Variants in POT1 observed in about 807,000 individuals in gnomAD.
POT1 encodes protection of telomeres 1, also known as protection of telomeres protein 1.
Under a neutral mutation model 78.5 loss-of-function variants are expected in POT1, and 47 were observed. That is an observed-to-expected ratio of 0.60 (90% confidence interval 0.47 to 0.76). POT1 has a LOEUF of 0.76. Among genes scored for constraint, POT1 ranks in the 30% least tolerant of loss-of-function variants. The pLI, the probability that POT1 is intolerant of heterozygous loss-of-function variation, is 0.00. For missense variants in POT1, 646 were observed against 749.9 expected, an observed-to-expected ratio of 0.86 and a Z score of 1.62; for synonymous variants, 259 against 260.7, an observed-to-expected ratio of 0.99 and a Z score of 0.06.
In POT1 at chr7:124,824,090, CA is replaced by C. The variant is rs770069410; in HGVS notation, c.1793-17del. ...GGATATGCATCTACAAAAACAAAAA[CA>C]AAAAAAGCGATTTAACCATTAAAAC... On this transcript the variant is annotated splice_polypyrimidine_tract_variant and intron_variant, in intron 18 of 18. Transcript: ENST00000357628. 6.7e-7 allele frequency: 1 copy of C among 1,497,016 alleles called. No individual in the cohort carries two copies. Among genetic ancestry groups the C allele is most frequent in the South Asian group, 1.2e-5 (1 of 83,616 alleles). The allele number at this position is 1,497,016 out of a possible 1,614,324, so 92.7% of individuals were successfully genotyped here.
chr7:124,857,461 C>T (rs956755062), intron 9 of POT1, among the ~76,000 whole-genome samples: 1 of 152,180 alleles, frequency 6.6e-6, no homozygotes, highest in African/African-American at 2.4e-5. Context: ...TCAAATGTTG[C>T]CTTTTCTAAA....
chr7:124,839,769 C>A (rs1441111320), intron 14 of POT1, among the ~76,000 whole-genome samples: 1 of 152,032 alleles, frequency 6.6e-6, no homozygotes, highest in Non-Finnish European at 1.5e-5. Context: ...GTCCCCTAGC[C>A]TCTTCCCCAT....
intron 8 of POT1, among the ~76,000 whole-genome samples, chr7:124,862,372 G>T (rs763727974): frequency 6.6e-6 from 1 of 152,196 alleles, no homozygotes; most frequent in Non-Finnish European, 1.5e-5. Flanking sequence ...CATTTGTTAA[G>T]AATGTCACTT....
At chr7:124,898,735 G>A (rs1298654851) in intron 3 of POT1, among the ~76,000 whole-genome samples, 3 of 152,070 alleles carry the variant, frequency 2.0e-5, no homozygotes, top group Admixed American at 6.6e-5. Flanking sequence ...AAACTACATT[G>A]AGAAAGGCAT....
intron 6 of POT1, among the ~76,000 whole-genome samples, chr7:124,885,392 G>A (rs1796219451): frequency 6.6e-6 from 1 of 151,762 alleles, no homozygotes; most frequent in Non-Finnish European, 1.5e-5. Context: ...AGGATTGCTT[G>A]AGCCCAGCAG....
chr7:124,844,894 A>G lies in POT1; in HGVS notation c.1007-1931T>C, dbSNP rs1795128038. On this transcript the variant is annotated intron_variant, in intron 12 of 18. Transcript: ENST00000357628. ...CAAACTTAAGGAAAATTGCAAAAAC[A>G]ATACAAAGACCTTCTGTATAATATT... Among the ~76,000 whole-genome samples the G allele has an allele frequency of 1.3e-5, 2 of 152,286 alleles. 1 individual carries two copies. Among genetic ancestry groups the G allele is most frequent in the Non-Finnish European group, 2.9e-5 (2 of 68,026 alleles).
Position 124,911,029 on chromosome 7 carries a change from T to C in POT1, c.-154+4545A>G, listed in dbSNP as rs372958948. Among the ~76,000 whole-genome samples the C allele has an allele frequency of 8.5e-5, 13 of 152,214 alleles. No homozygotes were observed. The East Asian group carries it at 2.3e-3, about 27-fold the overall frequency. ...AATGTTTCAAAAATTCTTTAGTGAA[T>C]GAGATTTTGTATTCATATTTGCACC... On this transcript the variant is annotated intron_variant, in intron 3 of 18. Coordinates refer to ENST00000357628, the MANE Select transcript of POT1 (RefSeq NM_015450.3).
At chr7:124,908,416 A>G (rs1023390910) in intron 3 of POT1, among the ~76,000 whole-genome samples, 1 of 151,932 alleles carries the variant, frequency 6.6e-6, no homozygotes, top group African/African-American at 2.4e-5. Context: ...GTATGATTTG[A>G]CCCCTACCCA....
chr7:124,877,495 T>C (rs1796016174), intron 6 of POT1, among the ~76,000 whole-genome samples: 1 of 151,594 alleles, frequency 6.6e-6, no homozygotes, highest in Non-Finnish European at 1.5e-5. Flanking sequence ...CTACTCTAGA[T>C]TGGAGCAGAA....
At chr7:124,900,480 C>T (rs1796591719) in intron 3 of POT1, among the ~76,000 whole-genome samples, 1 of 151,956 alleles carries the variant, frequency 6.6e-6, no homozygotes, top group Admixed American at 6.6e-5. Flanking sequence ...TTCTTAATGC[C>T]TTTAAAGCCC....
intron 3 of POT1, among the ~76,000 whole-genome samples, chr7:124,903,296 A>G (rs1003085914): frequency 1.3e-5 from 2 of 152,200 alleles, no homozygotes; most frequent in Non-Finnish European, 2.9e-5. Context: ...CAGCAAATAT[A>G]AAAGAACAGA....
At chr7:124,828,008 G>A (rs1794672055) in intron 16 of POT1, among the ~76,000 whole-genome samples, 1 of 152,022 alleles carries the variant, frequency 6.6e-6, no homozygotes, top group Non-Finnish European at 1.5e-5. Context: ...ACTCCAGCCT[G>A]GGCGACAGAG....
intron 7 of POT1, among the ~76,000 whole-genome samples, chr7:124,864,725 T>C (rs1450982316): frequency 6.6e-6 from 1 of 152,196 alleles, no homozygotes; most frequent in Non-Finnish European, 1.5e-5. Context: ...AATGGTAGAA[T>C]TCCATTTACT....
At chr7:124,888,841 G>C (rs2116620515) in intron 6 of POT1, among the ~76,000 whole-genome samples, 1 of 152,006 alleles carries the variant, frequency 6.6e-6, no homozygotes, top group Admixed American at 6.6e-5. Flanking sequence ...ATAAGACAGT[G>C]TACTTAACCA....
chr7:124,837,022 G>A (rs1482650583), intron 14 of POT1, among the ~76,000 whole-genome samples: 1 of 152,182 alleles, frequency 6.6e-6, no homozygotes, highest in Non-Finnish European at 1.5e-5. Context: ...GTTTGTATCT[G>A]GAGACATCCT....
At chr7:124,851,473 TA>T (rs1795304324) in intron 11 of POT1, among the ~76,000 whole-genome samples, 1 of 152,210 alleles carries the variant, frequency 6.6e-6, no homozygotes. Flanking sequence ...ATTAATTCAA[TA>T]AAGACTAGTA....
At chr7:124,842,736 A>G (rs1795057715) in intron 13 of POT1, 71 bp downstream of exon 13, 1 of 1,274,328 alleles carries the variant, frequency 7.8e-7, no homozygotes, top group South Asian at 1.8e-5. Context: ...CTAAGACACA[A>G]AATTATACAT....
At chr7:124,839,404 T>C (rs1300822225) in intron 14 of POT1, among the ~76,000 whole-genome samples, 6 of 152,314 alleles carry the variant, frequency 3.9e-5, no homozygotes, top group East Asian at 1.9e-4. Flanking sequence ...CACAATAAAA[T>C]AGTGTCAACT....
At chr7:124,828,056 A>T (rs564658828) in intron 16 of POT1, among the ~76,000 whole-genome samples, 5 of 152,002 alleles carry the variant, frequency 3.3e-5, no homozygotes, top group South Asian at 4.2e-4. Context: ...ATAAATAAAT[A>T]AAAAAAACAG....
Sources: gnomAD v4.1 joint callset for allele counts (sites outside exome capture counted in the v4.1 genomes callset) on GRCh38, gnomAD v4.1.1 for gene constraint, MANE v1.5 for transcripts, NCBI Gene and HGNC (gene_info 2026-07-23, HGNC 2026-07-21) for gene names.